The following AP3B1 variants were observed in gnomAD, a reference collection of about 807,000 sequenced individuals.
AP3B1 encodes AP-3 complex subunit beta-1.
Under a neutral mutation model 132.5 loss-of-function variants are expected in AP3B1, and 61 were observed. The observed-to-expected ratio is 0.46, with a 90% CI of 0.37 to 0.57. The LOEUF (loss-of-function observed/expected upper bound fraction) is 0.57. AP3B1 is among the 20% of genes least tolerant of loss of function. The probability of loss-of-function intolerance (pLI) is 0.00; values close to 1 mark genes in which losing one functional copy is unlikely to be tolerated. For missense variants in AP3B1, 1,120 were observed against 1,289.4 expected (o/e 0.87, Z 2.01); for synonymous variants, 388 against 438.3 (o/e 0.89, Z 1.43).
chr5:78,139,570 C>G (rs1753058351), intron 15 of AP3B1, among the ~76,000 whole-genome samples: 1 of 152,120 alleles, frequency 6.6e-6, no homozygotes, highest in African/African-American at 2.4e-5. Context: ...TATCTGGTTA[C>G]AAATCTTGTA....
chr5:78,215,009 T>C (rs1250048327), intron 7 of AP3B1, among the ~76,000 whole-genome samples: 1 of 152,128 alleles, frequency 6.6e-6, no homozygotes, highest in East Asian at 1.9e-4. Context: ...TTAATGCTAA[T>C]ACTAAATCAA....
chr5:78,188,192 A>G (rs575848825), intron 7 of AP3B1, among the ~76,000 whole-genome samples: 1 of 152,360 alleles, frequency 6.6e-6, no homozygotes, highest in East Asian at 1.9e-4. Context: ...TTATGATGAA[A>G]TTGCCAAAAG....
At chr5:78,093,005 C>T (rs1381524954) in intron 21 of AP3B1, among the ~76,000 whole-genome samples, 1 of 152,136 alleles carries the variant, frequency 6.6e-6, no homozygotes, top group African/African-American at 2.4e-5. Flanking sequence ...AGCAATACTA[C>T]TTCTGGAAAT....
chr5:78,120,551 A>T (rs1193564868), intron 17 of AP3B1, among the ~76,000 whole-genome samples: 293 of 145,434 alleles, frequency 2.0e-3, no homozygotes, highest in African/African-American at 5.7e-3. Flanking sequence ...TCCTAGTCTC[A>T]GATAAAACAG....
intron 5 of AP3B1, 87 bp downstream of exon 5, chr5:78,227,284 TA>T: frequency 7.5e-7 from 1 of 1,333,842 alleles, no homozygotes; most frequent in Non-Finnish European, 1.1e-6. Context: ...GCAGCCTACC[TA>T]AAAGAGCGAA....
At chr5:78,239,701 C>T (rs1267239729) in intron 3 of AP3B1, among the ~76,000 whole-genome samples, 1 of 150,762 alleles carries the variant, frequency 6.6e-6, no homozygotes, top group Admixed American at 6.6e-5. Context: ...ATCGCTTGAG[C>T]CCAGGAGGTC....
chr5:78,138,531 T>C (rs1485076265), intron 15 of AP3B1, among the ~76,000 whole-genome samples: 1 of 152,146 alleles, frequency 6.6e-6, no homozygotes, highest in East Asian at 1.9e-4. Flanking sequence ...TCTTGAGAAA[T>C]ATTCAAAAAC....
chr5:78,188,838 C>T (rs554866828), intron 7 of AP3B1, among the ~76,000 whole-genome samples: 22 of 152,254 alleles, frequency 1.4e-4, no homozygotes, highest in African/African-American at 5.3e-4. Context: ...AAATGCCCAT[C>T]AATGACAGAC....
chr5:78,193,770 A>ATATATATATATATATATTTTTTTTT, intron 7 of AP3B1, among the ~76,000 whole-genome samples: 22 of 67,170 alleles, frequency 3.3e-4, no homozygotes, highest in Non-Finnish European at 5.1e-4. Context: ...ATATATATAT[A>ATATATATATATATATATTTTTTTTT]TTTTTTTTTT....
At chr5:78,221,431 T>C (rs1014195003) in intron 6 of AP3B1, among the ~76,000 whole-genome samples, 11 of 152,032 alleles carry the variant, frequency 7.2e-5, no homozygotes, top group Admixed American at 2.0e-4. Flanking sequence ...CATTTGAAGA[T>C]AGGAAATATA....
intron 12 of AP3B1, among the ~76,000 whole-genome samples, chr5:78,165,176 A>G (rs1314699840): frequency 6.6e-6 from 1 of 152,194 alleles, no homozygotes; most frequent in Non-Finnish European, 1.5e-5. Context: ...GTAGTGGGGC[A>G]ATTATGAAAC....
chr5:78,273,250 C>G (rs779232296), intron 1 of AP3B1, among the ~76,000 whole-genome samples: 5 of 151,988 alleles, frequency 3.3e-5, no homozygotes, highest in African/African-American at 4.8e-5. Flanking sequence ...ACTAAAAATA[C>G]AAAAAGTAGC....
chr5:78,235,502 G>A (rs994958334), intron 3 of AP3B1, among the ~76,000 whole-genome samples: 24 of 152,168 alleles, frequency 1.6e-4, no homozygotes, highest in Admixed American at 5.2e-4. Context: ...AGAAGGTTGC[G>A]AAACACTAAA....
chr5:78,294,320 A>AC, intron 1 of AP3B1, 132 bp downstream of exon 1: 1 of 1,338,296 alleles, frequency 7.5e-7, no homozygotes, highest in East Asian at 2.4e-5. Flanking sequence ...CACCCGCGGG[A>AC]CACGTTACCG....
At chr5:78,006,418 C>T (rs1012242152) in intron 26 of AP3B1, among the ~76,000 whole-genome samples, 3 of 152,142 alleles carry the variant, frequency 2.0e-5, no homozygotes, top group African/African-American at 7.2e-5. Flanking sequence ...AGGAAGAGTC[C>T]TCTCTTCAAA....
intron 20 of AP3B1, among the ~76,000 whole-genome samples, chr5:78,104,768 C>G (rs1007764348): frequency 1.3e-5 from 2 of 152,096 alleles, no homozygotes; most frequent in African/African-American, 4.8e-5. Flanking sequence ...TTAACATTTA[C>G]TGACATTCAG....
At chr5:78,065,453 C>T (rs1480287819) in intron 22 of AP3B1, among the ~76,000 whole-genome samples, 2 of 152,160 alleles carry the variant, frequency 1.3e-5, no homozygotes, top group Admixed American at 6.5e-5. Context: ...CACTGCAGCT[C>T]CAGGCTGCCG....
At chr5:78,086,230 A>G (rs1278005021) in intron 22 of AP3B1, among the ~76,000 whole-genome samples, 1 of 152,172 alleles carries the variant, frequency 6.6e-6, no homozygotes, top group Non-Finnish European at 1.5e-5. Flanking sequence ...ATATCTATGT[A>G]CAGCCTTAAT....
rs1003488988 is a variant in AP3B1 at position 78,175,764 on chromosome 5, C to T, written c.1095+20G>A. The T allele has an allele frequency of 9.9e-6, 16 of 1,610,550 alleles. No individual in the cohort carries two copies. The highest frequency in any genetic ancestry group is 8.0e-5 in the African/African-American group (6 of 74,814). The stretch of plus-strand genomic sequence containing the variant: ...ATGTGTTCATGTGTCTCTTAAATTA[C>T]GTGTTCAGAACATACATACCTTTCT... On this transcript the variant is annotated intron_variant, in intron 10 of 26. Coordinates refer to ENST00000255194, the MANE Select transcript of AP3B1 (RefSeq NM_003664.5).
Sources: gnomAD v4.1 joint callset for allele counts (sites outside exome capture counted in the v4.1 genomes callset) on GRCh38, gnomAD v4.1.1 for gene constraint, MANE v1.5 for transcripts, NCBI Gene and HGNC (gene_info 2026-07-23, HGNC 2026-07-21) for gene names.